The following PPIL6 variants were observed in gnomAD, a reference collection of about 807,000 sequenced individuals.
The protein encoded by PPIL6 is probable inactive peptidyl-prolyl cis-trans isomerase-like 6.
A neutral mutation model predicts 36.8 loss-of-function variants in PPIL6; 39 were observed. The ratio of observed to expected loss-of-function variants is 1.06; its 90% CI spans 0.82 to 1.38. The LOEUF (loss-of-function observed/expected upper bound fraction) is 1.38. PPIL6 is among the 40% of genes most tolerant of loss of function. The probability of loss-of-function intolerance (pLI) is 0.00; values close to 1 mark genes in which losing one functional copy is unlikely to be tolerated. For missense variants in PPIL6, 368 were observed against 379.1 expected, an observed-to-expected ratio of 0.97 and a Z score of 0.24; for synonymous variants, 123 against 134.1, an observed-to-expected ratio of 0.92 and a Z score of 0.57.
chr6:109,404,329 G>A (rs1241401826), intron 6 of PPIL6, among the ~76,000 whole-genome samples: 3 of 152,208 alleles, frequency 2.0e-5, no homozygotes, highest in Non-Finnish European at 4.4e-5. Flanking sequence ...ATGGCTGTGG[G>A]GTGGAGAGGT....
In PPIL6 at chr6:109,436,213, T is replaced by A. The variant is rs1436032900; in HGVS notation, c.136-14A>T. The stretch of plus-strand genomic sequence containing the variant: ...ATTCTTCAGATTCTGGATTTCGAAA[T>A]AGAATAATTATTTTAGAGTTAGTTC... On this transcript the variant is annotated splice_polypyrimidine_tract_variant and intron_variant, in intron 1 of 7. Coordinates refer to ENST00000521072, the MANE Select transcript of PPIL6 (RefSeq NM_173672.5). 1.5e-6 allele frequency: 2 copies of A among 1,334,144 alleles called. No individual in the cohort carries two copies. Among genetic ancestry groups the A allele is most frequent in the East Asian group, 4.6e-5 (2 of 43,468 alleles). The allele number at this position is 1,334,144 out of a possible 1,614,324, so 82.6% of individuals were successfully genotyped here.
In PPIL6 at chr6:109,390,914, C is replaced by T. The variant is rs1772072425; in HGVS notation, c.*1912G>A. The T allele has an allele frequency of 6.6e-6, 1 of 152,120 alleles. No individual in the cohort carries two copies. The highest frequency in any genetic ancestry group is 2.4e-5 in the African/African-American group (1 of 41,418). The allele number at this position is 152,120 out of a possible 1,614,324, so 9.4% of individuals were successfully genotyped here. A position where few individuals can be genotyped will look rare whatever the true frequency, so the allele number is the denominator to read the frequency against. On this transcript the variant is annotated 3_prime_UTR_variant, in exon 8 of 8. Transcript: ENST00000521072. ...GCCTACTTTTGGCAAGCCTCATATC[C>T]ATTAGAAGCCTGCCTCTTTAAGACT... is the stretch of plus-strand genomic sequence containing the variant.
At chr6:109,414,741 C>A (rs996566799) in intron 6 of PPIL6, among the ~76,000 whole-genome samples, 5 of 152,094 alleles carry the variant, frequency 3.3e-5, no homozygotes, top group Non-Finnish European at 7.4e-5. Context: ...TTTTGATCTA[C>A]AGTTGACCCT....
chr6:109,426,839 A>G lies in PPIL6; in HGVS notation c.631+8T>C. 1 of 1,493,462 alleles carries G rather than the reference A, an allele frequency of 6.7e-7. No homozygotes were observed. Among genetic ancestry groups the G allele is most frequent in the South Asian group, 1.4e-5 (1 of 70,982 alleles). 92.5% of individuals were successfully genotyped at this position (1,493,462 alleles called of 1,614,324 possible). A position where few individuals can be genotyped will look rare whatever the true frequency, so the allele number is the denominator to read the frequency against. Reference sequence around the variant, plus strand: ...GCAATTAACTCGTATTTAAGATTTTAAACTTACCCCCTCCTTGTATCCAGC... The same window carrying G: ...GCAATTAACTCGTATTTAAGATTTTGAACTTACCCCCTCCTTGTATCCAGC... On this transcript the variant is annotated splice_region_variant and intron_variant, in intron 5 of 7. Transcript: ENST00000521072.
intron 2 of PPIL6, among the ~76,000 whole-genome samples, chr6:109,433,633 G>T (rs960914266): frequency 6.6e-6 from 1 of 152,208 alleles, no homozygotes; most frequent in Middle Eastern, 3.2e-3. Context: ...CATCCACTTA[G>T]GGTGGCACTT....
intron 5 of PPIL6, among the ~76,000 whole-genome samples, chr6:109,421,840 A>G (rs1334212599): frequency 1.3e-5 from 2 of 151,966 alleles, no homozygotes; most frequent in African/African-American, 4.8e-5. Context: ...GGAGTTCAAG[A>G]CCAGCCTGGG....
At chr6:109,406,171 C>T (rs1772791537) in intron 6 of PPIL6, among the ~76,000 whole-genome samples, 1 of 151,830 alleles carries the variant, frequency 6.6e-6, no homozygotes, top group African/African-American at 2.4e-5. Context: ...CTACCTCAAC[C>T]TCCCAAGTAG....
At chr6:109,436,408 G>A (rs1774449673) in intron 1 of PPIL6, among the ~76,000 whole-genome samples, 1 of 152,114 alleles carries the variant, frequency 6.6e-6, no homozygotes, top group African/African-American at 2.4e-5. Context: ...TTGTATAAGT[G>A]CCTCGAAGCC....
At chr6:109,394,896 C>T (rs1190145573) in intron 7 of PPIL6, among the ~76,000 whole-genome samples, 1 of 152,172 alleles carries the variant, frequency 6.6e-6, no homozygotes, top group East Asian at 1.9e-4. Context: ...GCTTGAATAT[C>T]CACCTCCTGG....
At chr6:109,412,565 T>A (rs531072355) in intron 6 of PPIL6, among the ~76,000 whole-genome samples, 1 of 151,968 alleles carries the variant, frequency 6.6e-6, no homozygotes, top group Non-Finnish European at 1.5e-5. Flanking sequence ...CAGAACACAA[T>A]AGAGAACCCA....
At chr6:109,432,661 T>C (rs1317237312) in intron 2 of PPIL6, among the ~76,000 whole-genome samples, 1 of 152,114 alleles carries the variant, frequency 6.6e-6, no homozygotes, top group African/African-American at 2.4e-5. Context: ...GAGGTCTCAC[T>C]ATATTGCCTA....
At chr6:109,403,046 T>C in intron 6 of PPIL6, 1 of 1,531,938 alleles carries the variant, frequency 6.5e-7, no homozygotes, top group Non-Finnish European at 8.7e-7. Context: ...TATTTCTCGA[T>C]CTTTCCAACC....
intron 6 of PPIL6, chr6:109,418,293 T>A (rs549071204): frequency 6.5e-6 from 1 of 152,870 alleles, no homozygotes; most frequent in African/African-American, 2.4e-5. Context: ...GGGGTTAGAC[T>A]GCTCCTGCCT....
chr6:109,398,491 TACAA>T (rs1772391696), intron 7 of PPIL6, among the ~76,000 whole-genome samples: 2 of 152,094 alleles, frequency 1.3e-5, no homozygotes, highest in Admixed American at 1.3e-4. Flanking sequence ...TTCAGAAAAA[TACAA>T]ACACTTTACA....
At chr6:109,408,480 T>G (rs543644067) in intron 6 of PPIL6, among the ~76,000 whole-genome samples, 1 of 152,204 alleles carries the variant, frequency 6.6e-6, no homozygotes, top group African/African-American at 2.4e-5. Flanking sequence ...TTGAGATATA[T>G]AAATATTTTT....
At chr6:109,433,988 T>C (rs1344814297) in intron 2 of PPIL6, among the ~76,000 whole-genome samples, 1 of 151,994 alleles carries the variant, frequency 6.6e-6, no homozygotes, top group African/African-American at 2.4e-5. Flanking sequence ...CACACCAATT[T>C]CCTAGAGTCC....
At chr6:109,393,250 C>G (rs1341240534) in intron 7 of PPIL6, among the ~76,000 whole-genome samples, 2 of 151,322 alleles carry the variant, frequency 1.3e-5, no homozygotes, top group Non-Finnish European at 2.9e-5. Context: ...CAGGGTCTCA[C>G]TCTGTTGCCC....
At chr6:109,431,873 TTC>T (rs1774174802) in intron 2 of PPIL6, among the ~76,000 whole-genome samples, 1 of 152,270 alleles carries the variant, frequency 6.6e-6, no homozygotes, top group Admixed American at 6.5e-5. Context: ...TCATTCTTTT[TTC>T]TTTAAACACT....
At chr6:109,424,038 T>C (rs894729881) in intron 5 of PPIL6, among the ~76,000 whole-genome samples, 4 of 152,042 alleles carry the variant, frequency 2.6e-5, no homozygotes, top group Non-Finnish European at 5.9e-5. Flanking sequence ...AAGAAACATA[T>C]GGTAGTATGT....
Sources: gnomAD v4.1 joint callset for allele counts (sites outside exome capture counted in the v4.1 genomes callset) on GRCh38, gnomAD v4.1.1 for gene constraint, MANE v1.5 for transcripts, NCBI Gene and HGNC (gene_info 2026-07-23, HGNC 2026-07-21) for gene names.